The following PARP9 variants were observed in gnomAD, a reference collection of about 807,000 sequenced individuals.
PARP9 encodes poly(ADP-ribose) polymerase family member 9, also known as protein mono-ADP-ribosyltransferase PARP9.
A neutral mutation model predicts 68.8 loss-of-function variants in PARP9; 48 were observed. The ratio of observed to expected loss-of-function variants is 0.70; its 90% CI spans 0.55 to 0.89. PARP9 has a LOEUF of 0.89. Ranked by LOEUF, PARP9 falls within the 40% of genes least tolerant of loss-of-function variation. The pLI, the probability that PARP9 is intolerant of heterozygous loss-of-function variation, is 0.00. For synonymous variants in PARP9, 309 were observed against 333.8 expected (o/e 0.93, Z 0.81); for missense variants, 806 against 969.3 (o/e 0.83, Z 2.24).
rs1407812674 is a variant in PARP9 at position 122,540,839 on chromosome 3, G to C, written c.1398C>G (p.Thr466=). ...SLNNYSVPQS[T]REEKRENGLE... ...GCCCATTTTCTCTTTTCTCCTCTCT[G>C]GTTGACTGGGGGACTGAAATGACTA... Residue 466 remains threonine, a synonymous_variant, in exon 8 of 11, where the codon ACC becomes ACG. Transcript: ENST00000682323. 6.2e-7 allele frequency: 1 copy of C among 1,612,728 alleles called. No individual in the cohort carries two copies. Among genetic ancestry groups the C allele is most frequent in the Non-Finnish European group, 8.5e-7 (1 of 1,179,440 alleles).
chr3:122,563,298 G>A (rs1274531341), intron 1 of PARP9, among the ~76,000 whole-genome samples: 2 of 152,126 alleles, frequency 1.3e-5, no homozygotes, highest in East Asian at 3.9e-4. Context: ...GCTACATGTG[G>A]CCAGTCTGAA....
chr3:122,564,640 A>C, upstream of PARP9: 3 of 1,577,494 alleles, frequency 1.9e-6, no homozygotes, highest in Non-Finnish European at 2.6e-6. Flanking sequence ...CAGGCTGCGA[A>C]AGCCCTCTGG....
intron 6 of PARP9, among the ~76,000 whole-genome samples, chr3:122,549,760 A>C (rs2079045581): frequency 6.6e-6 from 1 of 152,110 alleles, no homozygotes; most frequent in Non-Finnish European, 1.5e-5. Context: ...CAGCCTGAGC[A>C]ACAGAGCAAG....
intron 7 of PARP9, among the ~76,000 whole-genome samples, chr3:122,541,483 C>G (rs2078228426): frequency 6.6e-6 from 1 of 152,180 alleles, no homozygotes; most frequent in Non-Finnish European, 1.5e-5. Context: ...TTATTTCCTG[C>G]TGAATAGGAT....
chr3:122,540,877 A>G, intron 7 of PARP9, 25 bp from the exon 8 acceptor site: 1 of 1,565,894 alleles, frequency 6.4e-7, no homozygotes, highest in South Asian at 1.2e-5. Flanking sequence ...ATAAGCAACC[A>G]TGGAAGACTA....
At chr3:122,542,540 C>T (rs186221293) in intron 7 of PARP9, among the ~76,000 whole-genome samples, 44 of 152,054 alleles carry the variant, frequency 2.9e-4, no homozygotes, top group Non-Finnish European at 4.6e-4. Context: ...AGTGTAGTGG[C>T]GCAATCTCGG....
chr3:122,550,876 A>G (rs1003590893), intron 5 of PARP9, 74 bp from the exon 6 acceptor site: 23 of 1,307,936 alleles, frequency 1.8e-5, no homozygotes, highest in Non-Finnish European at 2.3e-5. Context: ...GATCCTGCCC[A>G]TATTTTACAA....
intron 7 of PARP9, among the ~76,000 whole-genome samples, chr3:122,542,826 A>T (rs2078360148): frequency 6.6e-6 from 1 of 152,146 alleles, no homozygotes; most frequent in African/African-American, 2.4e-5. Context: ...AGCGAGCACT[A>T]TTCTTCTAGA....
At chr3:122,558,325 G>A (rs9289199) in intron 3 of PARP9, 109 bp downstream of exon 3, 234,365 of 1,611,944 alleles carry the variant, frequency 0.15, 18,911 homozygotes, top group East Asian at 0.34. Flanking sequence ...CTGCAGTCAC[G>A]CACCTGAGCA....
Position 122,540,866 on chromosome 3 carries a change from A to G in PARP9, c.1385-14T>C. 1.3e-6 allele frequency: 2 copies of G among 1,593,946 alleles called. No homozygotes were observed. The highest frequency in any genetic ancestry group is 1.7e-6 in the Non-Finnish European group (2 of 1,173,056). ...TTGACTGGGGGACTGAAATGACTAT[A>G]ATAAGCAACCATGGAAGACTAGCAG... On this transcript the variant is annotated splice_polypyrimidine_tract_variant and intron_variant, in intron 7 of 10. Transcript: ENST00000682323.
At chr3:122,542,400 T>A (rs367966214) in intron 7 of PARP9, among the ~76,000 whole-genome samples, 5 of 150,868 alleles carry the variant, frequency 3.3e-5, no homozygotes, top group East Asian at 2.0e-4. Flanking sequence ...ATAATCATAA[T>A]AATAATAATA....
Position 122,540,548 on chromosome 3 carries a change from C to A in PARP9, c.1689G>T (p.Met563Ile). ...GARADLIEVV[M>I]NIEDMLCKVQ... Reference sequence around the variant, plus strand: ...CTTTACAAAGCATATCTTCAATGTTCATAACCACCTCAATGAGGTCAGCCC... The same window carrying A: ...CTTTACAAAGCATATCTTCAATGTTAATAACCACCTCAATGAGGTCAGCCC... Residue 563 changes from methionine (M) to isoleucine (I), a missense_variant, in exon 8 of 11, where the codon ATG becomes ATT. Met to Ile is a conservative substitution (Grantham distance 10, BLOSUM62 1). This residue lies in a region of PARP9 where 680 missense variants were observed against 858.8 expected (regional missense o/e 0.79). Transcript: ENST00000682323. 6.2e-7 allele frequency: 1 copy of A among 1,614,188 alleles called. No individual in the cohort carries two copies. The highest frequency in any genetic ancestry group is 1.1e-5 in the South Asian group (1 of 91,084).
chr3:122,547,066 A>G (rs2078790464), intron 6 of PARP9, among the ~76,000 whole-genome samples: 1 of 127,718 alleles, frequency 7.8e-6, no homozygotes, highest in African/African-American at 2.6e-5. Context: ...ATACACATAC[A>G]TATATACACA....
At chr3:122,558,894 A>G (rs554307680) in intron 2 of PARP9, among the ~76,000 whole-genome samples, 1 of 152,220 alleles carries the variant, frequency 6.6e-6, no homozygotes, top group Non-Finnish European at 1.5e-5. Flanking sequence ...TTACTTTTTT[A>G]GAGATGAGCG....
intron 3 of PARP9, among the ~76,000 whole-genome samples, chr3:122,557,781 A>G (rs1365064911): frequency 6.6e-6 from 1 of 152,160 alleles, no homozygotes; most frequent in African/African-American, 2.4e-5. Context: ...AGCTTGGGAC[A>G]CTGTATTTCA....
intron 10 of PARP9, chr3:122,535,706 A>G (rs1169668444): frequency 1.0e-6 from 1 of 990,878 alleles, no homozygotes; most frequent in East Asian, 1.1e-4. Context: ...TACCTAATTC[A>G]TTCACTAGCA....
At position 122,540,806 on chromosome 3, in the gene PARP9, A is replaced by G; in HGVS notation, c.1431T>C (p.Ala477=). The change falls in exon 8 of 11, where the codon GCT becomes GCC. Residue 477 remains alanine, a synonymous_variant. Transcript: ENST00000682323. The stretch of plus-strand genomic sequence containing the variant: ...CCATCAGATTGATGGCAGGAGATCT[A>G]GCTTCAAGCCCATTTTCTCTTTTCT... The part of the protein sequence containing the change: ...REEKRENGLE[A]RSPAINLMGF... 2 of 1,614,018 alleles carry G rather than the reference A, an allele frequency of 1.2e-6. No homozygotes were observed. The highest frequency in any genetic ancestry group is 1.7e-6 in the Non-Finnish European group (2 of 1,179,968).
Position 122,528,724 on chromosome 3 carries a change from G to T in PARP9, c.2100C>A (p.Gly700=). 1 of 1,598,022 alleles carries T rather than the reference G, an allele frequency of 6.3e-7. No homozygotes were observed. The highest frequency in any genetic ancestry group is 1.1e-5 in the South Asian group (1 of 88,606). The part of the protein sequence containing the change: ...STPCDPKYGA[G]IYFTKNLKNL... ...TTTTGAGGTTCTTGGTGAAGTATAT[G>T]CCAGCTCCGTATTTTGGATCTGATA... The change falls in exon 11 of 11, where the codon GGC becomes GGA. Residue 700 remains glycine (G), a synonymous_variant. Coordinates refer to ENST00000682323, the MANE Select transcript of PARP9 (RefSeq NM_001146105.2).
intron 6 of PARP9, among the ~76,000 whole-genome samples, chr3:122,547,524 T>C (rs1445160675): frequency 6.6e-6 from 1 of 152,142 alleles, no homozygotes; most frequent in Non-Finnish European, 1.5e-5. Flanking sequence ...CTTTTCTAGA[T>C]GTGGTTAATT....
Sources: gnomAD v4.1 joint callset for allele counts (sites outside exome capture counted in the v4.1 genomes callset) on GRCh38, gnomAD v4.1.1 for gene constraint, gnomAD v4.1.1 regional missense constraint, MANE v1.5 for transcripts, NCBI Gene and HGNC (gene_info 2026-07-23, HGNC 2026-07-21) for gene names.